Variants in RELL1 observed in about 807,000 individuals in gnomAD.
RELL1 encodes the protein RELT like 1.
RELL1 carries 10 observed loss-of-function variants against 23.0 expected under a neutral mutation model. The observed-to-expected ratio is 0.43, with a 90% CI of 0.27 to 0.74. RELL1 has a LOEUF of 0.74. Among genes scored for constraint, RELL1 ranks in the 30% least tolerant of loss-of-function variants. RELL1 has a pLI of 0.19. For synonymous variants in RELL1, 146 were observed against 146.8 expected, an observed-to-expected ratio of 0.99 and a Z score of 0.04; for missense variants, 315 against 364.4, an observed-to-expected ratio of 0.86 and a Z score of 1.10.
At chr4:37,608,724 G>A (rs570045972), downstream of RELL1, among the ~76,000 whole-genome samples, 8 of 149,646 alleles carry the variant, frequency 5.3e-5, no homozygotes, top group East Asian at 2.0e-4. Context: ...TCTATCTCCC[G>A]GATTCAAGTG....
rs760953433 is a variant in RELL1, at chr4:37,649,340, C to T, written c.249G>A (p.Lys83=). The T allele has an allele frequency of 3.6e-5, 58 of 1,614,132 alleles. No individual in the cohort carries two copies. Among genetic ancestry groups the T allele is most frequent in the Non-Finnish European group, 4.7e-5 (55 of 1,180,056 alleles). Residue 83 remains lysine (K), a synonymous_variant, in exon 2 of 7, where the codon AAG becomes AAA. Coordinates refer to ENST00000454158, the MANE Select transcript of RELL1 (RefSeq NM_001085400.2). Reference sequence around the variant, plus strand: ...CTTCTGTTGTACAACGATAGCCTTTCTTCTTAAGCAGGTGGCAAATGAGGA... The same window carrying T: ...CTTCTGTTGTACAACGATAGCCTTTTTTCTTAAGCAGGTGGCAAATGAGGA... ...FGVLICHLLK[K]KGYRCTTEAE... is the part of the protein sequence containing the mutation.
At chr4:37,636,526 C>T (rs60669431) in intron 4 of RELL1, among the ~76,000 whole-genome samples, 12,432 of 148,742 alleles carry the variant, frequency 0.084, 880 homozygotes, top group East Asian at 0.33. Context: ...ACCCGGAAGG[C>T]GGAGCTTGCA....
At chr4:37,594,509 T>C (rs1385909291) in intron 6 of RELL1, among the ~76,000 whole-genome samples, 5 of 152,218 alleles carry the variant, frequency 3.3e-5, no homozygotes, top group Admixed American at 1.3e-4. Context: ...GATTATTTTA[T>C]GTATATATTA....
chr4:37,633,773 A>G (rs907287558), intron 5 of RELL1, among the ~76,000 whole-genome samples: 4 of 152,226 alleles, frequency 2.6e-5, no homozygotes, highest in African/African-American at 7.2e-5. Context: ...CCTAGTCTAC[A>G]CACAGCAACT....
At chr4:37,599,882 G>C (rs1051514881) in intron 6 of RELL1, among the ~76,000 whole-genome samples, 1 of 152,094 alleles carries the variant, frequency 6.6e-6, no homozygotes, top group Non-Finnish European at 1.5e-5. Context: ...GTATAGTGGA[G>C]GTGATGGCTA....
In RELL1 at chr4:37,611,114, T is replaced by A. The variant is rs113180512; in HGVS notation, c.*2232A>T. Among the ~76,000 whole-genome samples the A allele has an allele frequency of 2.1e-4, 32 of 149,336 alleles. 2 individuals are homozygous for A. Among genetic ancestry groups the A allele is most frequent in the African/African-American group, 7.9e-4 (32 of 40,488 alleles). On this transcript the variant is annotated 3_prime_UTR_variant, in exon 7 of 7. Transcript: ENST00000454158. Reference sequence around the variant, plus strand: ...TGTTGTATTGCTATTTAAAAAAAAGTGCTCTGACTTGAATAAGATGGAAAA... The same window carrying A: ...TGTTGTATTGCTATTTAAAAAAAAGAGCTCTGACTTGAATAAGATGGAAAA...
At chr4:37,686,146 C>A in intron 1 of RELL1, 54 bp downstream of exon 1, 1 of 1,465,814 alleles carries the variant, frequency 6.8e-7, no homozygotes, top group Non-Finnish European at 9.2e-7. Context: ...CTTCCTTCCG[C>A]GCTCCCGGGA....
intron 3 of RELL1, among the ~76,000 whole-genome samples, chr4:37,644,319 G>A (rs781541415): frequency 2.6e-5 from 4 of 151,806 alleles, no homozygotes; most frequent in Non-Finnish European, 4.4e-5. Flanking sequence ...TGCCAGCACC[G>A]TCCTGCCATA....
chr4:37,642,959 T>C (rs1033855055), intron 3 of RELL1, among the ~76,000 whole-genome samples: 2 of 152,220 alleles, frequency 1.3e-5, no homozygotes, highest in African/African-American at 2.4e-5. Context: ...TTCTATTTTG[T>C]TGTTCGTGAG....
downstream of RELL1, among the ~76,000 whole-genome samples, chr4:37,608,013 C>T (rs897274271): frequency 6.6e-6 from 1 of 152,070 alleles, no homozygotes; most frequent in Non-Finnish European, 1.5e-5. Context: ...CCGTGATCAG[C>T]GATTTCTGAT....
At chr4:37,650,829 G>T in intron 1 of RELL1, among the ~76,000 whole-genome samples, 1 of 111,024 alleles carries the variant, frequency 9.0e-6, no homozygotes, top group Admixed American at 1.1e-4. Flanking sequence ...GTGGGGGGAG[G>T]GGGCGAATCA....
At chr4:37,624,307 C>A (rs1719865225) in intron 6 of RELL1, among the ~76,000 whole-genome samples, 1 of 152,156 alleles carries the variant, frequency 6.6e-6, no homozygotes, top group Non-Finnish European at 1.5e-5. Flanking sequence ...TCAATTTATC[C>A]CACCCTCTGA....
At chr4:37,647,514 A>G in intron 2 of RELL1, 75 bp from the exon 3 acceptor site, 1 of 985,560 alleles carries the variant, frequency 1.0e-6, no homozygotes, top group Admixed American at 1.8e-5. Context: ...TTAGAACCCA[A>G]GACCTCACTG....
chr4:37,667,221 G>A (rs114416511), intron 1 of RELL1, among the ~76,000 whole-genome samples: 3,444 of 151,908 alleles, frequency 0.023, 53 homozygotes, highest in Non-Finnish European at 0.037. Context: ...GAGACACACA[G>A]AAAAAAATAC....
chr4:37,634,712 G>T (rs571763325), intron 5 of RELL1, among the ~76,000 whole-genome samples, 175 bp downstream of exon 5: 1 of 152,184 alleles, frequency 6.6e-6, no homozygotes. Flanking sequence ...CACCTTTTAG[G>T]ATTCTTCTGT....
chr4:37,609,054 G>C (rs1719302714), downstream of RELL1, among the ~76,000 whole-genome samples: 1 of 152,226 alleles, frequency 6.6e-6, no homozygotes, highest in Non-Finnish European at 1.5e-5. Flanking sequence ...ATGGATGAAG[G>C]TGGCTAAATG....
rs10523379 is a variant in RELL1, at chr4:37,644,438, TTTTATTTATTTA to T, written c.385+2918_385+2929del. Among the ~76,000 whole-genome samples, 461 of 137,878 alleles carry T rather than the reference TTTTATTTATTTA, an allele frequency of 3.3e-3. 11 individuals are homozygous for T. In the East Asian group the frequency reaches 0.052, roughly 16 times the overall value. 90.5% of individuals were successfully genotyped at this position (137,878 alleles called of 152,430 possible). A position where few individuals can be genotyped will look rare whatever the true frequency, so the allele number is the denominator to read the frequency against. ...CGTCATCTGGTACTTTTATTTTTAT[TTTTATTTATTTA>T]TTTATTTATTTATTTATTTATTTAT... On this transcript the variant is annotated intron_variant, in intron 3 of 6. Transcript: ENST00000454158.
At chr4:37,601,169 A>T (rs1007908211) in intron 6 of RELL1, among the ~76,000 whole-genome samples, 1 of 152,220 alleles carries the variant, frequency 6.6e-6, no homozygotes, top group Admixed American at 6.5e-5. Flanking sequence ...TAGGCTTTGC[A>T]GTTACATCTT....
At chr4:37,642,086 C>A (rs1014813889) in intron 3 of RELL1, among the ~76,000 whole-genome samples, 9 of 152,160 alleles carry the variant, frequency 5.9e-5, no homozygotes, top group Non-Finnish European at 8.8e-5. Flanking sequence ...GTCCAAGTCC[C>A]CGCCCAAAGG....
Sources: gnomAD v4.1 joint callset for allele counts (sites outside exome capture counted in the v4.1 genomes callset) on GRCh38, gnomAD v4.1.1 for gene constraint, MANE v1.5 for transcripts, NCBI Gene and HGNC (gene_info 2026-07-23, HGNC 2026-07-21) for gene names.